The following HNMT variants were observed in gnomAD, a reference collection of about 807,000 sequenced individuals.
HNMT encodes histamine N-methyltransferase.
A neutral mutation model predicts 32.1 loss-of-function variants in HNMT; 30 were observed. The observed-to-expected ratio is 0.93, with a 90% CI of 0.70 to 1.27. The LOEUF (loss-of-function observed/expected upper bound fraction) is 1.27. Ranked by LOEUF, HNMT falls within the 50% of genes most tolerant of loss-of-function variation. The pLI is 0.00. For missense variants in HNMT, 327 were observed against 346.0 expected (o/e 0.95, Z 0.43); for synonymous variants, 125 against 119.0 (o/e 1.05, Z -0.33).
intron 2 of HNMT, among the ~76,000 whole-genome samples, chr2:137,970,714 A>T (rs958473076): frequency 6.6e-6 from 1 of 151,992 alleles, no homozygotes; most frequent in African/African-American, 2.4e-5. Flanking sequence ...AGGTCAGGAG[A>T]TCGAGACCAT....
rs989964552 is a variant in HNMT at position 138,015,253 on chromosome 2, A to C, written c.*1123A>C. On this transcript the variant is annotated 3_prime_UTR_variant, in exon 6 of 6. Transcript: ENST00000280097. ...TAAACAGTACATTTAATAATTAATA[A>C]ATAAATATTTTAAGTATGTAAATAA... 2.6e-5 allele frequency: 4 copies of C among 152,176 alleles called. No individual in the cohort carries two copies. Among genetic ancestry groups the C allele is most frequent in the Non-Finnish European group, 5.9e-5 (4 of 67,992 alleles). The allele number at this position is 152,176 out of a possible 1,614,324, so 9.4% of individuals were successfully genotyped here.
chr2:137,965,674 A>G (rs76019123), intron 1 of HNMT, among the ~76,000 whole-genome samples: 2,601 of 152,326 alleles, frequency 0.017, 68 homozygotes, highest in African/African-American at 0.059. Flanking sequence ...GCAAATATAG[A>G]GAACTTCTTA....
At chr2:137,969,480 T>C (rs1359766235) in intron 1 of HNMT, among the ~76,000 whole-genome samples, 1 of 152,192 alleles carries the variant, frequency 6.6e-6, no homozygotes, top group Non-Finnish European at 1.5e-5. Flanking sequence ...ATTTCTCAGC[T>C]TCCTTTTTGG....
rs1681607362 is a variant in HNMT at position 138,014,589 on chromosome 2, TTCTA to T, written c.*464_*467del. Reference sequence around the variant, plus strand: ...TCTTTGTACGTTCTTCTATTGTGCTTTCTATCTAATTTTTATTAATTTGTAAGAG... The same window carrying T: ...TCTTTGTACGTTCTTCTATTGTGCTTTCTAATTTTTATTAATTTGTAAGAG... On this transcript the variant is annotated 3_prime_UTR_variant, in exon 6 of 6. Transcript: ENST00000280097. 2 of 153,132 alleles carry T rather than the reference TTCTA, an allele frequency of 1.3e-5. No homozygotes were observed. Among genetic ancestry groups the T allele is most frequent in the African/African-American group, 4.8e-5 (2 of 41,472 alleles). 9.5% of individuals were successfully genotyped at this position (153,132 alleles called of 1,614,324 possible). A position where few individuals can be genotyped will look rare whatever the true frequency, so the allele number is the denominator to read the frequency against.
chr2:137,967,386 A>C (rs1273421394), intron 1 of HNMT: 1 of 393,880 alleles, frequency 2.5e-6, no homozygotes, highest in African/African-American at 2.0e-5. Context: ...TGGATGACAG[A>C]GTGAGAACCT....
intron 2 of HNMT, among the ~76,000 whole-genome samples, chr2:137,982,951 G>T (rs1182166629): frequency 6.6e-6 from 1 of 152,102 alleles, no homozygotes; most frequent in African/African-American, 2.4e-5. Context: ...AAAGAGCTGA[G>T]GTTCAGATAT....
At chr2:137,995,853 G>A in intron 2 of HNMT, among the ~76,000 whole-genome samples, 1 of 151,894 alleles carries the variant, frequency 6.6e-6, no homozygotes, top group East Asian at 1.9e-4. Context: ...GGGATGCAAG[G>A]CTGGTTCAAC....
chr2:137,984,521 G>A (rs1456256714), intron 2 of HNMT, among the ~76,000 whole-genome samples: 1 of 152,108 alleles, frequency 6.6e-6, no homozygotes, highest in African/African-American at 2.4e-5. Context: ...ATCTCTATAA[G>A]CCCAACAGTG....
rs774766897 is a variant in HNMT, at chr2:138,014,177, G to A, written c.*47G>A. On this transcript the variant is annotated 3_prime_UTR_variant, in exon 6 of 6. Transcript: ENST00000280097. ...TCAAAAATTATATTTTGAACAACTC[G>A]AATCACTCATTTATTTCCATATTAA... The A allele has an allele frequency of 3.1e-5, 36 of 1,159,232 alleles. No individual in the cohort carries two copies. The highest frequency in any genetic ancestry group is 2.0e-4 in the Middle Eastern group (1 of 4,880). The allele number at this position is 1,159,232 out of a possible 1,614,324, so 71.8% of individuals were successfully genotyped here. A position where few individuals can be genotyped will look rare whatever the true frequency, so the allele number is the denominator to read the frequency against.
rs80041430 is a variant in HNMT, at chr2:138,003,770, C to G, written c.430-1362C>G. Among the ~76,000 whole-genome samples the G allele has an allele frequency of 6.1e-3, 927 of 152,220 alleles. 10 individuals are homozygous for G. The highest frequency in any genetic ancestry group is 0.021 in the African/African-American group (863 of 41,560). On this transcript the variant is annotated intron_variant, in intron 4 of 5. Coordinates refer to ENST00000280097, the MANE Select transcript of HNMT (RefSeq NM_006895.3). The stretch of plus-strand genomic sequence containing the variant: ...TTACCCTCTAACTTTGCAAACATAA[C>G]TGCATTTGTGCATCATCTCCTTCTT...
chr2:137,998,495 T>G (rs1414149798), intron 2 of HNMT, among the ~76,000 whole-genome samples: 1 of 152,134 alleles, frequency 6.6e-6, no homozygotes, highest in Non-Finnish European at 1.5e-5. Flanking sequence ...GAAATAGATT[T>G]TACGTTCTAA....
chr2:137,967,319 C>T (rs1679989661), intron 1 of HNMT: 1 of 530,402 alleles, frequency 1.9e-6, no homozygotes, highest in East Asian at 3.0e-5. Flanking sequence ...GGGAAGATCA[C>T]TTAAGTCCGA....
At chr2:138,003,681 T>G (rs1212000121) in intron 4 of HNMT, among the ~76,000 whole-genome samples, 1 of 152,090 alleles carries the variant, frequency 6.6e-6, no homozygotes, top group East Asian at 1.9e-4. Context: ...AGACCATTCG[T>G]TCTGAGCCAA....
chr2:138,000,880 T>C, intron 2 of HNMT, 38 bp from the exon 3 acceptor site: 1 of 1,117,856 alleles, frequency 8.9e-7, no homozygotes, highest in Non-Finnish European at 1.3e-6. Flanking sequence ...CATTTCTTGC[T>C]GGAATGATGT....
At chr2:137,989,112 G>A (rs1573659544) in intron 2 of HNMT, among the ~76,000 whole-genome samples, 1 of 152,030 alleles carries the variant, frequency 6.6e-6, no homozygotes, top group African/African-American at 2.4e-5. Context: ...GTTTACTTTA[G>A]GGTTTCCTTT....
At chr2:137,970,919 CA>C (rs1179144967) in intron 2 of HNMT, among the ~76,000 whole-genome samples, 4 of 18,348 alleles carry the variant, frequency 2.2e-4, no homozygotes, top group African/African-American at 8.8e-4. Context: ...GACTACGTCT[CA>C]AAAAAAAAAA....
At chr2:138,004,541 C>T (rs1452058621) in intron 4 of HNMT, among the ~76,000 whole-genome samples, 1 of 151,946 alleles carries the variant, frequency 6.6e-6, no homozygotes, top group Non-Finnish European at 1.5e-5. Context: ...GAGATTGATC[C>T]AGAATTATTA....
At chr2:138,010,484 G>C (rs2604460) in intron 5 of HNMT, among the ~76,000 whole-genome samples, 62,091 of 114,934 alleles carry the variant, frequency 0.54, 14,476 homozygotes, top group Non-Finnish European at 0.67. Context: ...CACACACACA[G>C]CAAATGGAAG....
chr2:137,994,676 G>C (rs957914436), intron 2 of HNMT, among the ~76,000 whole-genome samples: 1 of 152,180 alleles, frequency 6.6e-6, no homozygotes, highest in African/African-American at 2.4e-5. Context: ...GGACCTAGTA[G>C]ACATCTACAA....
Sources: gnomAD v4.1 joint callset for allele counts (sites outside exome capture counted in the v4.1 genomes callset) on GRCh38, gnomAD v4.1.1 for gene constraint, MANE v1.5 for transcripts, NCBI Gene and HGNC (gene_info 2026-07-23, HGNC 2026-07-21) for gene names.